The following SEPTIN2 variants were observed in gnomAD, a reference collection of about 807,000 sequenced individuals.
The protein encoded by SEPTIN2 is septin-2.
Under a neutral mutation model 46.5 loss-of-function variants are expected in SEPTIN2, and 34 were observed. The observed-to-expected ratio is 0.73, with a 90% confidence interval of 0.56 to 0.97. The LOEUF is 0.97. Ranked by LOEUF, SEPTIN2 falls within the 50% of genes least tolerant of loss-of-function variation. The pLI is 0.00. For missense variants in SEPTIN2, 347 were observed against 448.4 expected, an observed-to-expected ratio of 0.77 and a Z score of 2.04; for synonymous variants, 175 against 153.4, an observed-to-expected ratio of 1.14 and a Z score of -1.04.
At chr2:241,316,574 G>A in intron 1 of SEPTIN2, 1 of 1,504,606 alleles carries the variant, frequency 6.6e-7, no homozygotes, top group East Asian at 2.6e-5. Context: ...AGGCAGCAGG[G>A]GGTAGGGTAT....
chr2:241,334,841 G>C (rs1016865758), intron 3 of SEPTIN2, among the ~76,000 whole-genome samples: 8 of 152,194 alleles, frequency 5.3e-5, no homozygotes, highest in African/African-American at 1.7e-4. Context: ...CCTCACATTT[G>C]TGAACAGTTA....
chr2:241,329,329 C>T (rs866104909), intron 3 of SEPTIN2, among the ~76,000 whole-genome samples: 1 of 151,958 alleles, frequency 6.6e-6, no homozygotes, highest in East Asian at 2.0e-4. Context: ...GGGGTTTCAC[C>T]GTGTTAGCCA....
chr2:241,340,555 A>G (rs1036651386), intron 7 of SEPTIN2, among the ~76,000 whole-genome samples: 4 of 152,196 alleles, frequency 2.6e-5, no homozygotes, highest in Non-Finnish European at 5.9e-5. Context: ...TTTTATGCTA[A>G]TAAATACTTT....
chr2:241,350,556 T>C (rs2060695114), intron 12 of SEPTIN2, among the ~76,000 whole-genome samples: 1 of 152,230 alleles, frequency 6.6e-6, no homozygotes, highest in Non-Finnish European at 1.5e-5. Flanking sequence ...AATTTGTTAA[T>C]TGTTAAAACA....
chr2:241,319,140 C>G (rs909788228), intron 1 of SEPTIN2, among the ~76,000 whole-genome samples: 2 of 152,050 alleles, frequency 1.3e-5, no homozygotes, highest in African/African-American at 2.4e-5. Flanking sequence ...TTACTTGGAT[C>G]TTGATTCACA....
chr2:241,329,321 G>T (rs11678896), intron 3 of SEPTIN2, among the ~76,000 whole-genome samples: 23,425 of 151,834 alleles, frequency 0.15, 2,000 homozygotes, highest in Middle Eastern at 0.27. Flanking sequence ...GTAGAGACGG[G>T]GTTTCACCGT....
chr2:241,350,318 C>T (rs2060668776), intron 12 of SEPTIN2, 115 bp downstream of exon 12: 2 of 471,552 alleles, frequency 4.2e-6, no homozygotes, highest in South Asian at 1.2e-4. Flanking sequence ...GAAGTAACTC[C>T]ATCACTAATC....
chr2:241,342,659 C>T (rs2081416422), intron 7 of SEPTIN2, among the ~76,000 whole-genome samples: 1 of 151,314 alleles, frequency 6.6e-6, no homozygotes, highest in African/African-American at 2.4e-5. Context: ...CCTCAGCCTC[C>T]CCAGCAGCTG....
At chr2:241,341,724 G>A (rs568504616) in intron 7 of SEPTIN2, among the ~76,000 whole-genome samples, 1 of 152,278 alleles carries the variant, frequency 6.6e-6, no homozygotes, top group Non-Finnish European at 1.5e-5. Flanking sequence ...GCCCTTTTTA[G>A]GTCACATTAA....
At chr2:241,349,117 T>G (rs1575406822) in intron 11 of SEPTIN2, among the ~76,000 whole-genome samples, 1 of 152,290 alleles carries the variant, frequency 6.6e-6, no homozygotes, top group Non-Finnish European at 1.5e-5. Context: ...CCCAGCACTT[T>G]AGGAGGCCAA....
Position 241,343,858 on chromosome 2 carries a change from C to G in SEPTIN2, c.803C>G (p.Pro268Arg). The G allele has an allele frequency of 6.2e-7, 1 of 1,614,192 alleles. No individual in the cohort carries two copies. Residue 268 changes from proline (P) to arginine (R), a missense_variant, in exon 9 of 13, where the codon CCA becomes CGA. Physicochemically the swap from Pro to Arg is moderately radical, Grantham distance 103. Coordinates refer to ENST00000391971, the MANE Select transcript of SEPTIN2 (RefSeq NM_004404.5). ...TGGGGTGTTGTGGAAGTGGAGAACC[C>G]AGAGCACAATGACTTTCTGAAGCTG... ...YPWGVVEVEN[P>R]EHNDFLKLRT...
At chr2:241,342,669 G>A (rs1034102531) in intron 7 of SEPTIN2, among the ~76,000 whole-genome samples, 2 of 150,794 alleles carry the variant, frequency 1.3e-5, no homozygotes, top group African/African-American at 4.9e-5. Context: ...CCCAGCAGCT[G>A]GGACTACAGG....
intron 3 of SEPTIN2, among the ~76,000 whole-genome samples, chr2:241,331,317 G>A (rs1361211178): frequency 1.3e-5 from 2 of 152,194 alleles, no homozygotes; most frequent in Non-Finnish European, 2.9e-5. Flanking sequence ...CTACAAAACA[G>A]TGCTGAGAGA....
chr2:241,316,625 A>G (rs2076319189), intron 1 of SEPTIN2: 2 of 1,147,092 alleles, frequency 1.7e-6, no homozygotes, highest in East Asian at 6.0e-5. Context: ...ATGAGGAGCA[A>G]ACCTGTGGCT....
chr2:241,336,468 G>A (rs1352400605), intron 5 of SEPTIN2: 1 of 196,704 alleles, frequency 5.1e-6, no homozygotes, highest in Non-Finnish European at 1.1e-5. Context: ...CTGCTCATTG[G>A]CATCATTTTC....
intron 3 of SEPTIN2, among the ~76,000 whole-genome samples, chr2:241,331,889 C>T (rs2079065544): frequency 6.6e-6 from 1 of 152,100 alleles, no homozygotes; most frequent in Non-Finnish European, 1.5e-5. Context: ...GAGCAACAGC[C>T]AAGAAGTAGA....
At chr2:241,320,020 A>T (rs1038151161) in intron 1 of SEPTIN2, among the ~76,000 whole-genome samples, 2 of 149,004 alleles carry the variant, frequency 1.3e-5, no homozygotes, top group Admixed American at 6.6e-5. Flanking sequence ...GATGCTTTTG[A>T]TACATTCCTG....
chr2:241,353,008 G>A lies in SEPTIN2; in HGVS notation c.*1071G>A, dbSNP rs2060893528. On this transcript the variant is annotated 3_prime_UTR_variant, in exon 13 of 13. Coordinates refer to ENST00000391971, the MANE Select transcript of SEPTIN2 (RefSeq NM_004404.5). ...GGGTTGAAAAGTGTTCCCGCCCTAA[G>A]GCCTTGGTGCCCTGAACCTCTGATG... The A allele has an allele frequency of 6.6e-6, 1 of 152,186 alleles. No individual in the cohort carries two copies. The allele number at this position is 152,186 out of a possible 1,614,324, so 9.4% of individuals were successfully genotyped here. A position where few individuals can be genotyped will look rare whatever the true frequency, so the allele number is the denominator to read the frequency against.
chr2:241,328,374 G>C (rs1371939427), intron 3 of SEPTIN2, among the ~76,000 whole-genome samples: 1 of 152,094 alleles, frequency 6.6e-6, no homozygotes, highest in African/African-American at 2.4e-5. Flanking sequence ...AGAGGTTGCA[G>C]TGAGCCAAGA....
Sources: allele counts gnomAD v4.1 joint callset (sites outside exome capture counted in the v4.1 genomes callset), GRCh38; gene constraint gnomAD v4.1.1; transcripts MANE v1.5; gene names NCBI Gene and HGNC (gene_info 2026-07-23, HGNC 2026-07-21).